TNFRSF21: variants seen among roughly 807,000 people sequenced by gnomAD.
TNFRSF21 encodes the protein TNF receptor superfamily member 21.
TNFRSF21 carries 19 observed loss-of-function variants against 45.6 expected under a neutral mutation model. The ratio of observed to expected loss-of-function variants is 0.42; its 90% CI spans 0.29 to 0.61. The LOEUF is 0.61. Ranked by LOEUF, TNFRSF21 falls within the 20% of genes least tolerant of loss-of-function variation. The pLI, the probability that TNFRSF21 is intolerant of heterozygous loss-of-function variation, is 0.23. For missense variants in TNFRSF21, 737 were observed against 851.5 expected, an observed-to-expected ratio of 0.87 and a Z score of 1.67; for synonymous variants, 314 against 335.5, an observed-to-expected ratio of 0.94 and a Z score of 0.70.
At position 47,275,683 on chromosome 6, in the gene TNFRSF21, T is replaced by C. The variant is rs7755468; in HGVS notation, c.1243+8255A>G. ...AAAAAAGAAAAAAAAATGTCTCACA[T>C]TCTCCCTAAAAGCACACAGAGTTAT... On this transcript the variant is annotated intron_variant, in intron 3 of 5. Transcript: ENST00000296861. Among the ~76,000 whole-genome samples the C allele has an allele frequency of 5.2e-3, 798 of 152,142 alleles. 5 individuals are homozygous for C. Among genetic ancestry groups the C allele is most frequent in the African/African-American group, 0.018 (744 of 41,512 alleles).
intron 1 of TNFRSF21, among the ~76,000 whole-genome samples, chr6:47,302,581 C>CA (rs1205713833): frequency 6.6e-6 from 1 of 152,184 alleles, no homozygotes; most frequent in Non-Finnish European, 1.5e-5. Context: ...AAAATGCTTA[C>CA]CAATGACTGC....
intron 3 of TNFRSF21, among the ~76,000 whole-genome samples, chr6:47,274,698 G>A (rs1762472161): frequency 1.3e-5 from 2 of 152,174 alleles, no homozygotes; most frequent in Non-Finnish European, 2.9e-5. Flanking sequence ...AGAGTGAACA[G>A]GCAGCCTACG....
chr6:47,305,458 A>G (rs534724233), intron 1 of TNFRSF21, among the ~76,000 whole-genome samples: 2 of 152,298 alleles, frequency 1.3e-5, no homozygotes, highest in East Asian at 3.9e-4. Context: ...AGGAGAGAGA[A>G]AATCTTTTGG....
rs1047809867 is a variant in TNFRSF21 at position 47,232,572 on chromosome 6, A to G, written c.*193T>C. The G allele has an allele frequency of 5.9e-5, 33 of 557,466 alleles. No homozygotes were observed. Among genetic ancestry groups the G allele is most frequent in the Non-Finnish European group, 8.4e-5 (27 of 321,296 alleles). 34.5% of individuals were successfully genotyped at this position (557,466 alleles called of 1,614,324 possible). ...TCCCAGAAGAGTTATTTAAAAAAAA[A>G]AGAGAGAGAGAGAAGGAGAAAGAAC... On this transcript the variant is annotated 3_prime_UTR_variant, in exon 6 of 6. Transcript: ENST00000296861.
intron 3 of TNFRSF21, among the ~76,000 whole-genome samples, chr6:47,274,017 T>C (rs1395223889): frequency 1.3e-5 from 2 of 152,190 alleles, no homozygotes; most frequent in Admixed American, 6.5e-5. Context: ...TATTCCATGC[T>C]CATGGATAGG....
At chr6:47,292,022 CT>C (rs1484772629) in intron 1 of TNFRSF21, among the ~76,000 whole-genome samples, 2 of 152,186 alleles carry the variant, frequency 1.3e-5, no homozygotes, top group Non-Finnish European at 1.5e-5. Flanking sequence ...TGGCAGCCCT[CT>C]GATTTCTAAG....
chr6:47,262,103 C>T (rs1173654250), intron 3 of TNFRSF21, among the ~76,000 whole-genome samples: 2 of 151,778 alleles, frequency 1.3e-5, no homozygotes, highest in African/African-American at 2.4e-5. Flanking sequence ...AGACAATAAC[C>T]GTAAGCTCAG....
At chr6:47,264,565 C>T (rs1762301401) in intron 3 of TNFRSF21, among the ~76,000 whole-genome samples, 1 of 152,134 alleles carries the variant, frequency 6.6e-6, no homozygotes, top group South Asian at 2.1e-4. Context: ...GGCTAGAGAA[C>T]AGTCACTAGA....
chr6:47,287,448 A>C (rs1212123469), intron 1 of TNFRSF21, among the ~76,000 whole-genome samples: 1 of 151,856 alleles, frequency 6.6e-6, no homozygotes, highest in East Asian at 1.9e-4. Context: ...ATTAAAAAAA[A>C]AACTTGCCCT....
At chr6:47,307,883 T>C (rs1377625579) in intron 1 of TNFRSF21, among the ~76,000 whole-genome samples, 1 of 152,172 alleles carries the variant, frequency 6.6e-6, no homozygotes, top group Admixed American at 6.5e-5. Context: ...AACATAGTAG[T>C]GGATAGTAGT....
chr6:47,297,811 C>T (rs1018975607), intron 1 of TNFRSF21, among the ~76,000 whole-genome samples: 1 of 152,144 alleles, frequency 6.6e-6, no homozygotes, highest in Non-Finnish European at 1.5e-5. Context: ...ATGTAAGCCA[C>T]CGCACCTGGC....
At position 47,286,124 on chromosome 6, in the gene TNFRSF21, T is replaced by C; in HGVS notation, c.568A>G (p.Thr190Ala). ...ACCAGGTTCTGACTCAGACAGTCTG[T>C]GTATGCTTTGCATTTCATCACACTA... ...PSSVMKCKAY[T>A]DCLSQNLVVI... The change falls in exon 2 of 6, where the codon ACA (threonine) becomes GCA (alanine). Residue 190 changes from threonine (T) to alanine (A), a missense_variant. By Grantham distance (58) the Thr-to-Ala change is moderately conservative. Coordinates refer to ENST00000296861, the MANE Select transcript of TNFRSF21 (RefSeq NM_014452.5). 6.2e-7 allele frequency: 1 copy of C among 1,614,204 alleles called. No homozygotes were observed. The highest frequency in any genetic ancestry group is 1.1e-5 in the South Asian group (1 of 91,082).
chr6:47,261,565 A>G (rs1451771337), intron 3 of TNFRSF21, among the ~76,000 whole-genome samples: 1 of 152,220 alleles, frequency 6.6e-6, no homozygotes, highest in Non-Finnish European at 1.5e-5. Context: ...TAATGAGAAG[A>G]AAGGACAACA....
chr6:47,287,234 G>T (rs1325165487), intron 1 of TNFRSF21, among the ~76,000 whole-genome samples: 1 of 146,116 alleles, frequency 6.8e-6, no homozygotes, highest in African/African-American at 2.5e-5. Flanking sequence ...TTGAACCCAG[G>T]AGGTGGAGGT....
chr6:47,271,841 CA>C (rs1491171891), intron 3 of TNFRSF21, among the ~76,000 whole-genome samples: 1 of 147,994 alleles, frequency 6.8e-6, no homozygotes, highest in African/African-American at 2.5e-5. Flanking sequence ...AAATGGAAAG[CA>C]AAAAAAAAGT....
chr6:47,294,300 T>C (rs867188107), intron 1 of TNFRSF21, among the ~76,000 whole-genome samples: 7 of 152,148 alleles, frequency 4.6e-5, no homozygotes, highest in Admixed American at 1.3e-4. Flanking sequence ...CACGCCACCA[T>C]GCCCGGCTAA....
intron 2 of TNFRSF21, 36 bp downstream of exon 2, chr6:47,285,908 C>G: frequency 1.9e-6 from 3 of 1,599,356 alleles, no homozygotes; most frequent in Non-Finnish European, 2.6e-6. Context: ...GGGCTCAAAG[C>G]CTTCCTCAAA....
intron 3 of TNFRSF21, among the ~76,000 whole-genome samples, chr6:47,280,409 C>G (rs187980338): frequency 6.6e-6 from 1 of 152,324 alleles, no homozygotes; most frequent in Non-Finnish European, 1.5e-5. Context: ...TAAACAGAAC[C>G]TCTCTTTGTA....
At chr6:47,300,902 G>A (rs929658318) in intron 1 of TNFRSF21, among the ~76,000 whole-genome samples, 35 of 152,088 alleles carry the variant, frequency 2.3e-4, no homozygotes, top group African/African-American at 6.5e-4. Context: ...TTTATTAAAC[G>A]GATAAAATAT....
Sources: gnomAD v4.1 joint callset for allele counts (sites outside exome capture counted in the v4.1 genomes callset) on GRCh38, gnomAD v4.1.1 for gene constraint, MANE v1.5 for transcripts, NCBI Gene and HGNC (gene_info 2026-07-23, HGNC 2026-07-21) for gene names.